Variants in ALDH4A1 observed in about 807,000 individuals in gnomAD.
The protein encoded by ALDH4A1 is aldehyde dehydrogenase 4 family member A1, also known as delta-1-pyrroline-5-carboxylate dehydrogenase, mitochondrial.
Under a neutral mutation model 70.5 loss-of-function variants are expected in ALDH4A1, and 46 were observed. That is an observed-to-expected ratio of 0.65 (90% CI 0.51 to 0.83). The LOEUF (loss-of-function observed/expected upper bound fraction) is 0.83. ALDH4A1 is among the 40% of genes least tolerant of loss of function. ALDH4A1 has a pLI of 0.00. For synonymous variants in ALDH4A1, 323 were observed against 324.3 expected (o/e 1.00, Z 0.04); for missense variants, 749 against 766.5 (o/e 0.98, Z 0.27).
intron 4 of ALDH4A1, among the ~76,000 whole-genome samples, chr1:18,885,989 G>C (rs1935187676): frequency 6.6e-6 from 1 of 152,106 alleles, no homozygotes; most frequent in African/African-American, 2.4e-5. Flanking sequence ...AGGTCAACTG[G>C]AGCCTGAGAC....
intron 1 of ALDH4A1, 180 bp from the exon 2 acceptor site, chr1:18,890,285 T>C: frequency 5.1e-6 from 3 of 586,342 alleles, no homozygotes; most frequent in Non-Finnish European, 9.2e-6. Flanking sequence ...CTCACACCTG[T>C]AATCCCAGCA....
At chr1:18,900,875 C>T (rs1325213504) in intron 1 of ALDH4A1, 3 of 985,214 alleles carry the variant, frequency 3.0e-6, no homozygotes, top group East Asian at 1.1e-4. Flanking sequence ...CAGTACTTAC[C>T]GGCTCGGTGT....
rs890726508 is a variant in ALDH4A1, at chr1:18,880,028, C to T, written c.867-655G>A. On this transcript the variant is annotated intron_variant, in intron 8 of 14. Transcript: ENST00000375341. The surrounding 1 kb of genome is among the most constrained non-coding windows in gnomAD (Gnocchi z 5.1). ...GGCCTTCCCACCTTTAAGCCCGCTG[C>T]TCATCAGAGCGTGGAGAATGGGGTC... 1.3e-5 allele frequency among the ~76,000 whole-genome samples: 2 copies of T among 152,226 alleles called. No homozygotes were observed. Among genetic ancestry groups the T allele is most frequent in the Admixed American group, 6.5e-5 (1 of 15,286 alleles).
At chr1:18,875,562 C>G (rs1934645828) in intron 12 of ALDH4A1, 59 bp from the exon 13 acceptor site, 1 of 1,612,252 alleles carries the variant, frequency 6.2e-7, no homozygotes, top group Non-Finnish European at 8.5e-7. Flanking sequence ...GGCCCTGAGC[C>G]CTCCCAGTGC....
intron 12 of ALDH4A1, among the ~76,000 whole-genome samples, chr1:18,876,113 AG>A (rs1242921503): frequency 6.6e-6 from 1 of 152,210 alleles, no homozygotes; most frequent in Non-Finnish European, 1.5e-5. Flanking sequence ...GCCAGGGTCA[AG>A]GACACAGCCC....
In ALDH4A1 at chr1:18,901,627, A is replaced by G. The variant is rs371604852; in HGVS notation, c.62+835T>C. Among the ~76,000 whole-genome samples, 2 of 152,296 alleles carry G rather than the reference A, an allele frequency of 1.3e-5. 1 individual carries two copies. On this transcript the variant is annotated intron_variant, in intron 1 of 14. Transcript: ENST00000375341. Reference sequence around the variant, plus strand: ...GTCAGGTTTGCAAATCGGGATTTGAAGGGCAGGTCCACCCCTGAACTGCTC... The same window carrying G: ...GTCAGGTTTGCAAATCGGGATTTGAGGGGCAGGTCCACCCCTGAACTGCTC...
In ALDH4A1 at chr1:18,872,911, C is replaced by T. The variant is rs762755516; in HGVS notation, c.1626G>A (p.Thr542=). 35 of 1,613,980 alleles carry T rather than the reference C, an allele frequency of 2.2e-5. No individual in the cohort carries two copies. Among genetic ancestry groups the T allele is most frequent in the Admixed American group, 3.3e-5 (2 of 60,008 alleles). The change falls in exon 15 of 15, where the codon ACG becomes ACA. Residue 542 remains threonine (T), a synonymous_variant. Transcript: ENST00000375341. ...GTGTCTCCTTGATGACCTGCGGCGA[C>T]GTCCAGCGCAGGATGTAGTGTGGGC... ...PGGPHYILRW[T]SPQVIKETHK...
chr1:18,897,054 G>A (rs1380084957), intron 1 of ALDH4A1: 2 of 534,212 alleles, frequency 3.7e-6, no homozygotes, highest in East Asian at 5.4e-5. Flanking sequence ...ATAAGCGTAT[G>A]AGGAACGCAT....
At chr1:18,874,116 G>C (rs1934567431) in intron 14 of ALDH4A1, among the ~76,000 whole-genome samples, 1 of 152,212 alleles carries the variant, frequency 6.6e-6, no homozygotes, top group Non-Finnish European at 1.5e-5. Flanking sequence ...AGTCACCTTT[G>C]GCAAGCCATT....
chr1:18,887,688 C>T lies in ALDH4A1; in HGVS notation c.250-1177G>A, dbSNP rs1338668477. On this transcript the variant is annotated intron_variant, in intron 3 of 14. Coordinates refer to ENST00000375341, the MANE Select transcript of ALDH4A1 (RefSeq NM_003748.4). ...ATCCCACCGGAGAGGGCCAAACCAC[C>T]TGATCATAACAACATCTTATCAATA... Among the ~76,000 whole-genome samples the T allele has an allele frequency of 1.3e-5, 2 of 152,178 alleles. 1 individual carries two copies. The highest frequency in any genetic ancestry group is 4.8e-5 in the African/African-American group (2 of 41,448).
At chr1:18,881,339 G>T (rs982068768) in intron 8 of ALDH4A1, among the ~76,000 whole-genome samples, 7 of 152,162 alleles carry the variant, frequency 4.6e-5, no homozygotes, top group African/African-American at 9.7e-5. Flanking sequence ...CCTCCAGGAA[G>T]GCTTCCTGAC....
At chr1:18,888,845 C>A (rs146980191) in intron 3 of ALDH4A1, among the ~76,000 whole-genome samples, 153 of 152,370 alleles carry the variant, frequency 1.0e-3, no homozygotes, top group African/African-American at 3.6e-3. Flanking sequence ...CACCCCTCCC[C>A]CTGCACACGT....
chr1:18,876,190 C>A (rs1934672363), intron 12 of ALDH4A1, 125 bp downstream of exon 12: 16 of 1,314,022 alleles, frequency 1.2e-5, no homozygotes, highest in Non-Finnish European at 1.7e-5. Flanking sequence ...GGAGGCATTC[C>A]CTTTTAGGGT....
chr1:18,894,450 G>A (rs1237797691), intron 1 of ALDH4A1, among the ~76,000 whole-genome samples: 1 of 152,262 alleles, frequency 6.6e-6, no homozygotes, highest in Non-Finnish European at 1.5e-5. Context: ...GGCTGAGGCA[G>A]GAGAATCACT....
intron 1 of ALDH4A1, chr1:18,897,103 G>C (rs769633559): frequency 3.7e-6 from 2 of 533,588 alleles, no homozygotes; most frequent in East Asian, 1.1e-4. Flanking sequence ...TCCAAAATCC[G>C]AAATGTTCCA....
chr1:18,883,370 C>A lies in ALDH4A1; in HGVS notation c.512G>T (p.Arg171Leu). 1.2e-6 allele frequency: 2 copies of A among 1,613,486 alleles called. No homozygotes were observed. Among genetic ancestry groups the A allele is most frequent in the Non-Finnish European group, 1.7e-6 (2 of 1,180,032 alleles). ...CTCCACCGCATACTTGGCATTGAAC[C>A]GGAAGAAGTCGATGAGTTCCGCTGC... ...DAAAELIDFF[R>L]FNAKYAVELE... is the part of the protein sequence containing the mutation. The change falls in exon 6 of 15, where the codon CGG becomes CTG. Residue 171 changes from arginine to leucine, a missense_variant. Transcript: ENST00000375341.
At chr1:18,901,736 G>A (rs927542144) in intron 1 of ALDH4A1, among the ~76,000 whole-genome samples, 2 of 152,124 alleles carry the variant, frequency 1.3e-5, no homozygotes, top group Admixed American at 6.5e-5. Context: ...GATGATCGTG[G>A]CAATAATAAT....
chr1:18,874,443 G>A lies in ALDH4A1; in HGVS notation c.1579+20C>T, dbSNP rs374982673. The A allele has an allele frequency of 1.9e-6, 3 of 1,608,406 alleles. No individual in the cohort carries two copies. Among genetic ancestry groups the A allele is most frequent in the African/African-American group, 2.7e-5 (2 of 74,826 alleles). On this transcript the variant is annotated intron_variant, in intron 14 of 14. Coordinates refer to ENST00000375341, the MANE Select transcript of ALDH4A1 (RefSeq NM_003748.4). ...CCCACCAGGAACTCAGCTCCCCTGT[G>A]GGAAGGGGGACCCACTCACCAGAGG...
chr1:18,876,545 C>G (rs771804735), intron 11 of ALDH4A1, 78 bp from the exon 12 acceptor site: 4 of 1,467,744 alleles, frequency 2.7e-6, no homozygotes, highest in Non-Finnish European at 3.7e-6. Flanking sequence ...ACACTCACCC[C>G]GAAACACCTG....
Sources: allele counts gnomAD v4.1 joint callset (sites outside exome capture counted in the v4.1 genomes callset), GRCh38; gene constraint gnomAD v4.1.1; non-coding constraint Gnocchi (gnomAD v3.1); transcripts MANE v1.5; gene names NCBI Gene and HGNC (gene_info 2026-07-23, HGNC 2026-07-21).